The following GPC6 variants were observed in gnomAD, a reference collection of about 807,000 sequenced individuals.
The protein encoded by GPC6 is glypican-6.
A neutral mutation model predicts 55.2 loss-of-function variants in GPC6; 14 were observed. The observed-to-expected ratio is 0.25, with a 90% CI of 0.17 to 0.40. The LOEUF is 0.40. GPC6 is among the 10% of genes least tolerant of loss of function. The pLI, the probability that GPC6 is intolerant of heterozygous loss-of-function variation, is 1.00. For missense variants in GPC6, 641 were observed against 708.5 expected (o/e 0.90, Z 1.08); for synonymous variants, 278 against 259.6 (o/e 1.07, Z -0.68).
At chr13:93,778,342 G>C (rs1291878329) in intron 2 of GPC6, among the ~76,000 whole-genome samples, 1 of 151,772 alleles carries the variant, frequency 6.6e-6, no homozygotes, top group African/African-American at 2.4e-5. Flanking sequence ...AACGAAGAGA[G>C]TGAATTATAA....
chr13:93,344,838 T>C (rs1880375913), intron 1 of GPC6, among the ~76,000 whole-genome samples: 1 of 152,168 alleles, frequency 6.6e-6, no homozygotes, highest in Non-Finnish European at 1.5e-5. Flanking sequence ...GGTAAACTTA[T>C]AAAAGCCTTT....
intron 1 of GPC6, among the ~76,000 whole-genome samples, chr13:93,384,081 T>A (rs1276509441): frequency 5.3e-5 from 8 of 152,166 alleles, no homozygotes; most frequent in Admixed American, 2.6e-4. Context: ...GATTCATACA[T>A]CAACTAATTG....
At chr13:93,729,038 TTAG>T (rs1383391433) in intron 2 of GPC6, among the ~76,000 whole-genome samples, 2 of 152,124 alleles carry the variant, frequency 1.3e-5, no homozygotes, top group African/African-American at 2.4e-5. Context: ...GTATTAAGTA[TTAG>T]TAGAATAAAA....
At chr13:93,801,416 T>C (rs1886364286) in intron 2 of GPC6, among the ~76,000 whole-genome samples, 1 of 152,196 alleles carries the variant, frequency 6.6e-6, no homozygotes, top group Non-Finnish European at 1.5e-5. Context: ...GTTTGATTCT[T>C]CCTCAGTGCT....
intron 1 of GPC6, among the ~76,000 whole-genome samples, chr13:93,457,945 C>T (rs2590556): frequency 0.4 from 60,555 of 151,974 alleles, 12,623 homozygotes; most frequent in East Asian, 0.63. Flanking sequence ...TTAATTAGTT[C>T]TCCTTTCTGC....
intron 1 of GPC6, among the ~76,000 whole-genome samples, chr13:93,270,056 C>G (rs936591534): frequency 2.0e-5 from 3 of 151,576 alleles, no homozygotes; most frequent in African/African-American, 7.3e-5. Flanking sequence ...GGAATTCCAG[C>G]ACAGCCTGGG....
chr13:93,981,506 A>T (rs1880802151), intron 3 of GPC6, among the ~76,000 whole-genome samples: 1 of 152,220 alleles, frequency 6.6e-6, no homozygotes, highest in Non-Finnish European at 1.5e-5. Flanking sequence ...TTTATATTCA[A>T]ATCATATCAG....
chr13:93,595,588 C>T (rs566539363), intron 2 of GPC6, among the ~76,000 whole-genome samples: 2 of 152,102 alleles, frequency 1.3e-5, no homozygotes, highest in Non-Finnish European at 2.9e-5. Flanking sequence ...TTTCTTTCTG[C>T]CAGTGTATAA....
chr13:94,212,709 A>G (rs1890115795), intron 4 of GPC6, among the ~76,000 whole-genome samples: 1 of 152,206 alleles, frequency 6.6e-6, no homozygotes, highest in South Asian at 2.1e-4. Context: ...TCAAGTAATC[A>G]TAATAAGCTA....
At chr13:93,278,261 T>C (rs1192821868) in intron 1 of GPC6, among the ~76,000 whole-genome samples, 1 of 152,182 alleles carries the variant, frequency 6.6e-6, no homozygotes, top group Non-Finnish European at 1.5e-5. Flanking sequence ...AAAAGTTTGT[T>C]TTATTTTTAA....
At chr13:93,486,101 A>G (rs1211688491) in intron 1 of GPC6, among the ~76,000 whole-genome samples, 1 of 152,166 alleles carries the variant, frequency 6.6e-6, no homozygotes. Context: ...AGAGAATTTC[A>G]AAAATAAAGA....
intron 1 of GPC6, among the ~76,000 whole-genome samples, chr13:93,315,977 T>C (rs1879234087): frequency 6.6e-6 from 1 of 152,126 alleles, no homozygotes; most frequent in African/African-American, 2.4e-5. Context: ...TGCTGTCTTT[T>C]GTTCATGCTC....
chr13:94,394,315 C>G (rs899833856), intron 7 of GPC6, among the ~76,000 whole-genome samples: 6 of 152,238 alleles, frequency 3.9e-5, no homozygotes, highest in Non-Finnish European at 7.3e-5. Context: ...CTGCTCAACT[C>G]TCCAGGTTGT....
chr13:94,042,081 CTA>C (rs929949549), intron 4 of GPC6, among the ~76,000 whole-genome samples: 59 of 151,932 alleles, frequency 3.9e-4, no homozygotes, highest in African/African-American at 1.3e-3. Flanking sequence ...ATCACCGTTG[CTA>C]CTGTCGTCAT....
At chr13:94,346,599 G>C (rs556606635) in intron 6 of GPC6, among the ~76,000 whole-genome samples, 2 of 151,774 alleles carry the variant, frequency 1.3e-5, no homozygotes, top group Non-Finnish European at 2.9e-5. Flanking sequence ...GCGGGCACCT[G>C]TAATCCCAGG....
At chr13:93,484,014 T>C (rs1461214026) in intron 1 of GPC6, among the ~76,000 whole-genome samples, 1 of 152,196 alleles carries the variant, frequency 6.6e-6, no homozygotes, top group African/African-American at 2.4e-5. Context: ...TTGTTTAGAC[T>C]CTTAGAGCAA....
intron 1 of GPC6, among the ~76,000 whole-genome samples, chr13:93,228,572 T>A (rs1344255934): frequency 6.6e-6 from 1 of 152,174 alleles, no homozygotes. Flanking sequence ...TTTCCGGCTC[T>A]TAGCTCCAAC....
At chr13:93,472,444 GC>G (rs1879153734) in intron 1 of GPC6, among the ~76,000 whole-genome samples, 1 of 152,202 alleles carries the variant, frequency 6.6e-6, no homozygotes, top group African/African-American at 2.4e-5. Context: ...CTGTAGACAC[GC>G]TGGCTGCTGC....
intron 3 of GPC6, among the ~76,000 whole-genome samples, chr13:94,002,356 A>G (rs956077619): frequency 1.3e-5 from 2 of 152,166 alleles, no homozygotes; most frequent in African/African-American, 4.8e-5. Flanking sequence ...AAATAGATCA[A>G]AACATATTAG....
Sources: gnomAD v4.1 joint callset for allele counts (sites outside exome capture counted in the v4.1 genomes callset) on GRCh38, gnomAD v4.1.1 for gene constraint, MANE v1.5 for transcripts, NCBI Gene and HGNC (gene_info 2026-07-23, HGNC 2026-07-21) for gene names.